The following DGKI variants were observed in gnomAD, a reference collection of about 807,000 sequenced individuals.
DGKI encodes the protein diacylglycerol kinase iota.
DGKI carries 55 observed loss-of-function variants against 147.5 expected under a neutral mutation model. That is an observed-to-expected ratio of 0.37 (90% CI 0.30 to 0.47). The LOEUF is 0.47. Ranked by LOEUF, DGKI falls within the 20% of genes least tolerant of loss-of-function variation. The pLI, the probability that DGKI is intolerant of heterozygous loss-of-function variation, is 1.00. For synonymous variants in DGKI, 469 were observed against 477.1 expected, an observed-to-expected ratio of 0.98 and a Z score of 0.22; for missense variants, 1,007 against 1,323.8, an observed-to-expected ratio of 0.76 and a Z score of 3.71.
chr7:137,468,842 A>G (rs1000406906), intron 24 of DGKI, among the ~76,000 whole-genome samples: 2 of 152,202 alleles, frequency 1.3e-5, no homozygotes, highest in African/African-American at 4.8e-5. Flanking sequence ...GAAAAACAAA[A>G]AAGGGGTCTA....
At chr7:137,640,635 AG>A (rs1359889805) in intron 6 of DGKI, among the ~76,000 whole-genome samples, 1 of 152,194 alleles carries the variant, frequency 6.6e-6, no homozygotes, top group Non-Finnish European at 1.5e-5. Context: ...TAAGTTGATA[AG>A]GGGACATTCC....
chr7:137,599,759 T>C, intron 11 of DGKI, 64 bp downstream of exon 11: 5 of 1,442,242 alleles, frequency 3.5e-6, no homozygotes, highest in Non-Finnish European at 4.9e-6. Flanking sequence ...AATCAGATAA[T>C]GAAGCAGAAA....
intron 1 of DGKI, among the ~76,000 whole-genome samples, chr7:137,763,725 A>T (rs1795927654): frequency 6.6e-6 from 1 of 152,234 alleles, no homozygotes; most frequent in African/African-American, 2.4e-5. Context: ...AATGTAATTC[A>T]TCTGGGCTAA....
Position 137,491,532 on chromosome 7 carries a change from T to C in DGKI, c.2249-3843A>G, listed in dbSNP as rs1331722300. ...TATTTCTAGATATTTATAAGTTTAATGTTAATCCCCAAAACTGTTAAATGA... is the reference window on the plus strand; with the variant it reads ...TATTTCTAGATATTTATAAGTTTAACGTTAATCCCCAAAACTGTTAAATGA... On this transcript the variant is annotated intron_variant, in intron 21 of 32. Transcript: ENST00000614521. Among the ~76,000 whole-genome samples, 3 of 152,252 alleles carry C rather than the reference T, an allele frequency of 2.0e-5. No individual in the cohort carries two copies. In the East Asian group the frequency reaches 5.8e-4, roughly 29 times the overall value.
chr7:137,452,184 T>C (rs1179786726), intron 27 of DGKI, among the ~76,000 whole-genome samples: 3 of 152,094 alleles, frequency 2.0e-5, no homozygotes, highest in Non-Finnish European at 4.4e-5. Flanking sequence ...GGCCACCACA[T>C]AGAGATGGGC....
At chr7:137,444,030 T>C in intron 28 of DGKI, 47 bp downstream of exon 28, 2 of 1,503,226 alleles carry the variant, frequency 1.3e-6, no homozygotes, top group Non-Finnish European at 1.8e-6. Flanking sequence ...AGACCAGGGG[T>C]CAAGTTTCAA....
chr7:137,638,516 G>C (rs1464908982), intron 6 of DGKI, among the ~76,000 whole-genome samples: 2 of 104,120 alleles, frequency 1.9e-5, no homozygotes, highest in Non-Finnish European at 3.5e-5. Context: ...ATATATGTGT[G>C]TATATATATA....
intron 1 of DGKI, among the ~76,000 whole-genome samples, chr7:137,801,877 C>T (rs1383255704): frequency 2.0e-5 from 3 of 152,180 alleles, no homozygotes; most frequent in Admixed American, 6.5e-5. Flanking sequence ...GCATGTGCCC[C>T]CCTGCCCCAT....
chr7:137,419,652 G>A (rs748228362), intron 28 of DGKI, among the ~76,000 whole-genome samples: 2 of 152,170 alleles, frequency 1.3e-5, no homozygotes, highest in Non-Finnish European at 2.9e-5. Flanking sequence ...ATGGGAAGCA[G>A]CTCAAGAAAA....
At chr7:137,539,833 A>G (rs963926404) in intron 20 of DGKI, among the ~76,000 whole-genome samples, 2 of 152,302 alleles carry the variant, frequency 1.3e-5, no homozygotes, top group Non-Finnish European at 1.5e-5. Context: ...AAAAGCCAAT[A>G]AAATGGATAG....
intron 23 of DGKI, among the ~76,000 whole-genome samples, chr7:137,477,046 C>G (rs1262015637): frequency 6.6e-6 from 1 of 152,202 alleles, no homozygotes; most frequent in East Asian, 1.9e-4. Flanking sequence ...TCATTCTACT[C>G]TAGTCAAGGA....
chr7:137,721,252 C>A lies in DGKI; in HGVS notation c.402-31250G>T, dbSNP rs191318963. Among the ~76,000 whole-genome samples the A allele has an allele frequency of 2.0e-5, 3 of 152,322 alleles. No homozygotes were observed. In the East Asian group the frequency reaches 5.8e-4, roughly 29 times the overall value. The stretch of plus-strand genomic sequence containing the variant: ...TGTTTCTAATCCTACTACAAACAAT[C>A]CTACAATGAATGTCTTTCTGTATAA... On this transcript the variant is annotated intron_variant, in intron 1 of 32. Coordinates refer to ENST00000614521, the MANE Select transcript of DGKI (RefSeq NM_001321708.2).
intron 21 of DGKI, among the ~76,000 whole-genome samples, chr7:137,507,530 T>C (rs1816410050): frequency 6.6e-6 from 1 of 152,220 alleles, no homozygotes; most frequent in African/African-American, 2.4e-5. Flanking sequence ...TTGATAATCT[T>C]GAAGAGCAAC....
At chr7:137,392,742 A>G (rs1406200948) in intron 32 of DGKI, among the ~76,000 whole-genome samples, 1 of 152,164 alleles carries the variant, frequency 6.6e-6, no homozygotes, top group African/African-American at 2.4e-5. Flanking sequence ...ATGAGGTTGG[A>G]ATTTCCAGGT....
chr7:137,661,166 A>G (rs189561075), intron 3 of DGKI, among the ~76,000 whole-genome samples: 2 of 152,140 alleles, frequency 1.3e-5, no homozygotes, highest in East Asian at 3.9e-4. Flanking sequence ...GCTCCCACTG[A>G]GCTTGCCCAC....
intron 1 of DGKI, among the ~76,000 whole-genome samples, chr7:137,735,776 G>A (rs778483482): frequency 4.6e-5 from 7 of 152,060 alleles, no homozygotes; most frequent in Non-Finnish European, 5.9e-5. Flanking sequence ...TAAGCACACC[G>A]ATTAGGATAG....
At chr7:137,613,209 T>C (rs1052706112) in intron 8 of DGKI, among the ~76,000 whole-genome samples, 1 of 152,128 alleles carries the variant, frequency 6.6e-6, no homozygotes, top group African/African-American at 2.4e-5. Context: ...CGCTCTTCTT[T>C]GTCATCCCAA....
chr7:137,448,177 A>G (rs1254537763), intron 27 of DGKI, among the ~76,000 whole-genome samples: 1 of 152,076 alleles, frequency 6.6e-6, no homozygotes, highest in Non-Finnish European at 1.5e-5. Flanking sequence ...GCTAGCCAGA[A>G]GTAGACCCAA....
chr7:137,422,655 A>C (rs1484198592), intron 28 of DGKI, among the ~76,000 whole-genome samples: 2 of 112,974 alleles, frequency 1.8e-5, no homozygotes, highest in African/African-American at 3.4e-5. Flanking sequence ...CCCAGACTGG[A>C]GTGCAGTGGC....
Sources: gnomAD v4.1 joint callset for allele counts (sites outside exome capture counted in the v4.1 genomes callset) on GRCh38, gnomAD v4.1.1 for gene constraint, MANE v1.5 for transcripts, NCBI Gene and HGNC (gene_info 2026-07-23, HGNC 2026-07-21) for gene names.